The following WWOX variants were observed in gnomAD, a reference collection of about 807,000 sequenced individuals.
WWOX encodes WW domain-containing oxidoreductase.
A neutral mutation model predicts 46.2 loss-of-function variants in WWOX; 69 were observed. The ratio of observed to expected loss-of-function variants is 1.49; its 90% CI spans 1.23 to 1.82. WWOX has a LOEUF of 1.82. WWOX is among the 40% of genes most tolerant of loss of function. The probability of loss-of-function intolerance (pLI) is 0.00; values close to 1 mark genes in which losing one functional copy is unlikely to be tolerated. For synonymous variants in WWOX, 359 were observed against 202.6 expected (o/e 1.77, Z -6.56); for missense variants, 919 against 542.6 (o/e 1.69, Z -6.89).
chr16:78,310,808 A>G (rs778623141), intron 5 of WWOX, among the ~76,000 whole-genome samples: 127 of 152,208 alleles, frequency 8.3e-4, no homozygotes, highest in Non-Finnish European at 1.6e-3. Context: ...CAATGTTTTA[A>G]GCCCTGAGAG....
intron 5 of WWOX, among the ~76,000 whole-genome samples, chr16:78,301,115 T>C (rs1227557566): frequency 6.6e-6 from 1 of 152,190 alleles, no homozygotes; most frequent in Non-Finnish European, 1.5e-5. Flanking sequence ...CTCCTAAAAC[T>C]AAAGGCATTG....
intron 8 of WWOX, among the ~76,000 whole-genome samples, chr16:78,479,332 A>G (rs573205299): frequency 1.5e-4 from 23 of 152,386 alleles, no homozygotes; most frequent in Admixed American, 5.2e-4. Context: ...AGATTAAAAC[A>G]TATGCAAATA....
intron 8 of WWOX, among the ~76,000 whole-genome samples, chr16:79,076,052 T>C (rs1440444256): frequency 6.6e-6 from 1 of 152,154 alleles, no homozygotes; most frequent in African/African-American, 2.4e-5. Flanking sequence ...TTCTTGAAAA[T>C]GTTTCTTAGA....
At chr16:78,861,152 C>G (rs2043876065) in intron 8 of WWOX, among the ~76,000 whole-genome samples, 1 of 152,030 alleles carries the variant, frequency 6.6e-6, no homozygotes, top group Non-Finnish European at 1.5e-5. Flanking sequence ...TGCCTTTCCT[C>G]CCTCTCTCTC....
intron 8 of WWOX, among the ~76,000 whole-genome samples, chr16:78,771,729 G>A (rs2050068964): frequency 6.6e-6 from 1 of 151,866 alleles, no homozygotes; most frequent in South Asian, 2.1e-4. Flanking sequence ...CCAAGATTGT[G>A]CCACTGCACT....
At chr16:78,134,420 G>A (rs940345232) in intron 4 of WWOX, among the ~76,000 whole-genome samples, 6 of 151,996 alleles carry the variant, frequency 3.9e-5, no homozygotes, top group African/African-American at 9.7e-5. Context: ...TTTGGGAACC[G>A]TTGAGCCCCT....
intron 8 of WWOX, among the ~76,000 whole-genome samples, chr16:79,074,062 C>T (rs938054911): frequency 3.3e-5 from 5 of 151,932 alleles, no homozygotes; most frequent in Non-Finnish European, 7.4e-5. Flanking sequence ...ACTTCTGCTA[C>T]GAGTGTATAC....
chr16:78,269,578 A>G (rs570366462), intron 5 of WWOX, among the ~76,000 whole-genome samples: 1 of 152,350 alleles, frequency 6.6e-6, no homozygotes, highest in African/African-American at 2.4e-5. Flanking sequence ...CGGCATTGCC[A>G]TCCTCATCAA....
chr16:78,799,463 G>A (rs916983344), intron 8 of WWOX, among the ~76,000 whole-genome samples: 1 of 152,188 alleles, frequency 6.6e-6, no homozygotes, highest in Non-Finnish European at 1.5e-5. Context: ...ACCAGGGATA[G>A]AGTCTCAAAG....
At chr16:78,177,952 C>A (rs546017434) in intron 5 of WWOX, among the ~76,000 whole-genome samples, 2 of 152,298 alleles carry the variant, frequency 1.3e-5, no homozygotes, top group African/African-American at 4.8e-5. Context: ...ATAATCATCC[C>A]TTTCAATAGT....
chr16:78,159,577 A>T (rs11645786), intron 4 of WWOX, among the ~76,000 whole-genome samples: 22,026 of 150,886 alleles, frequency 0.15, 1,881 homozygotes, highest in East Asian at 0.22. Flanking sequence ...CCTGAGAATT[A>T]GTGACAGTGA....
At chr16:78,768,032 C>T (rs1438372751) in intron 8 of WWOX, among the ~76,000 whole-genome samples, 1 of 151,956 alleles carries the variant, frequency 6.6e-6, no homozygotes, top group African/African-American at 2.4e-5. Flanking sequence ...TTGTTGTTTA[C>T]ATTGGGGAGG....
At chr16:78,952,099 C>T (rs2046072288) in intron 8 of WWOX, among the ~76,000 whole-genome samples, 1 of 152,090 alleles carries the variant, frequency 6.6e-6, no homozygotes, top group Non-Finnish European at 1.5e-5. Flanking sequence ...GACCTAGCCC[C>T]CGTGTACCTT....
intron 8 of WWOX, among the ~76,000 whole-genome samples, chr16:78,449,108 C>A (rs1034322869): frequency 3.9e-5 from 6 of 152,146 alleles, no homozygotes; most frequent in African/African-American, 1.2e-4. Flanking sequence ...CACTTGCAAG[C>A]CCACGTGCTT....
intron 8 of WWOX, among the ~76,000 whole-genome samples, chr16:79,097,126 G>A (rs995176263): frequency 2.0e-5 from 3 of 151,812 alleles, no homozygotes; most frequent in South Asian, 2.1e-4. Flanking sequence ...GTAGGTACTC[G>A]TTATGGACAG....
At chr16:79,058,189 A>G (rs1466152676) in intron 8 of WWOX, among the ~76,000 whole-genome samples, 1 of 151,740 alleles carries the variant, frequency 6.6e-6, no homozygotes, top group Admixed American at 6.6e-5. Flanking sequence ...GTACCTGTAT[A>G]GAGAGAGTCA....
At chr16:78,915,277 G>C (rs1162776231) in intron 8 of WWOX, among the ~76,000 whole-genome samples, 3 of 152,182 alleles carry the variant, frequency 2.0e-5, no homozygotes, top group East Asian at 3.9e-4. Context: ...ATGAAACAGA[G>C]AATCTGGTCA....
intron 8 of WWOX, among the ~76,000 whole-genome samples, chr16:78,529,645 T>G (rs188730633): frequency 1.3e-5 from 2 of 152,054 alleles, no homozygotes; most frequent in Non-Finnish European, 2.9e-5. Context: ...TTTTTTTTAT[T>G]TTTAGTAGAG....
At chr16:78,667,542 G>A (rs999813619) in intron 8 of WWOX, among the ~76,000 whole-genome samples, 1 of 151,714 alleles carries the variant, frequency 6.6e-6, no homozygotes. Flanking sequence ...GTGGTGGCAG[G>A]CACCTGTAGT....
Sources: gnomAD v4.1 joint callset for allele counts (sites outside exome capture counted in the v4.1 genomes callset) on GRCh38, gnomAD v4.1.1 for gene constraint, MANE v1.5 for transcripts, NCBI Gene and HGNC (gene_info 2026-07-23, HGNC 2026-07-21) for gene names.